The following WWC2 variants were observed in gnomAD, a reference collection of about 807,000 sequenced individuals.
The protein encoded by WWC2 is protein WWC2.
Under a neutral mutation model 138.5 loss-of-function variants are expected in WWC2, and 101 were observed. The ratio of observed to expected loss-of-function variants is 0.73; its 90% CI spans 0.62 to 0.86. The LOEUF (loss-of-function observed/expected upper bound fraction) is 0.86. WWC2 is among the 40% of genes least tolerant of loss of function. The pLI, the probability that WWC2 is intolerant of heterozygous loss-of-function variation, is 0.00. For synonymous variants in WWC2, 558 were observed against 538.4 expected (o/e 1.04, Z -0.50); for missense variants, 1,420 against 1,419.4 (o/e 1.00, Z -0.01).
chr4:183,208,750 T>C (rs1402729111), intron 3 of WWC2, among the ~76,000 whole-genome samples, 199 bp from the exon 4 acceptor site: 1 of 152,190 alleles, frequency 6.6e-6, no homozygotes, highest in Admixed American at 6.5e-5. Flanking sequence ...ATGACATTTC[T>C]CTTTACAGAG....
chr4:183,320,124 T>G lies in WWC2; in HGVS notation c.*4395T>G. On this transcript the variant is annotated 3_prime_UTR_variant, in exon 23 of 23. Transcript: ENST00000403733. ...TAAGTCCAGGTTGAGGTTCTTCCAG[T>G]GTGGCAGGTAGTTTGTAAGACAGGA... 1 of 1,614,150 alleles carries G rather than the reference T, an allele frequency of 6.2e-7. No homozygotes were observed. The highest frequency in any genetic ancestry group is 1.3e-5 in the African/African-American group (1 of 75,042).
At chr4:183,190,698 A>G (rs1734966138) in intron 1 of WWC2, among the ~76,000 whole-genome samples, 1 of 152,174 alleles carries the variant, frequency 6.6e-6, no homozygotes, top group African/African-American at 2.4e-5. Flanking sequence ...TGAATTTTTC[A>G]GAGTTCACAA....
At chr4:183,100,907 A>T (rs1485539367) in intron 1 of WWC2, among the ~76,000 whole-genome samples, 1 of 152,232 alleles carries the variant, frequency 6.6e-6, no homozygotes, top group Non-Finnish European at 1.5e-5. Context: ...GGCCTGATGA[A>T]AATTGTGACA....
chr4:183,156,010 GT>G (rs1460137817), intron 1 of WWC2, among the ~76,000 whole-genome samples: 1 of 124,922 alleles, frequency 8.0e-6, no homozygotes, highest in Non-Finnish European at 1.6e-5. Context: ...CCGTTGTGTT[GT>G]TTTTTTCTTT....
In WWC2 at chr4:183,320,185, C is replaced by T. The variant is rs1739598052; in HGVS notation, c.*4456C>T. ...CCCAGCAAAGATAATGAAACTCCAG[C>T]TAGTTGAGCTACAGTTCTAAATACT... On this transcript the variant is annotated 3_prime_UTR_variant, in exon 23 of 23. Coordinates refer to ENST00000403733, the MANE Select transcript of WWC2 (RefSeq NM_024949.6). 6 of 1,614,108 alleles carry T rather than the reference C, an allele frequency of 3.7e-6. No individual in the cohort carries two copies. Among genetic ancestry groups the T allele is most frequent in the East Asian group, 4.5e-5 (2 of 44,894 alleles).
intron 2 of WWC2, among the ~76,000 whole-genome samples, chr4:183,203,004 A>G (rs1443384892): frequency 1.3e-5 from 2 of 152,220 alleles, no homozygotes; most frequent in African/African-American, 4.8e-5. Context: ...AACCCTGGAA[A>G]GGTTTAAGAA....
chr4:183,138,401 T>G (rs1205777728), intron 1 of WWC2, among the ~76,000 whole-genome samples: 6 of 152,192 alleles, frequency 3.9e-5, no homozygotes, highest in Non-Finnish European at 8.8e-5. Context: ...GGAAAACTCA[T>G]GCTTAGCTCA....
intron 1 of WWC2, among the ~76,000 whole-genome samples, chr4:183,150,664 T>C (rs1232342972): frequency 6.6e-6 from 1 of 152,158 alleles, no homozygotes; most frequent in Non-Finnish European, 1.5e-5. Flanking sequence ...TTTCTCCTAA[T>C]GCTATCCCTC....
intron 2 of WWC2, among the ~76,000 whole-genome samples, chr4:183,197,054 T>C (rs1226490867): frequency 6.6e-6 from 1 of 152,236 alleles, no homozygotes; most frequent in Non-Finnish European, 1.5e-5. Context: ...TGATAAACTC[T>C]TAAAATGTTA....
At chr4:183,183,366 TG>T (rs937375953) in intron 1 of WWC2, among the ~76,000 whole-genome samples, 28 of 4,950 alleles carry the variant, frequency 5.7e-3, no homozygotes, top group African/African-American at 6.3e-3. Context: ...AACATTTTAA[TG>T]GTTTTTTTTA....
chr4:183,120,139 G>C (rs1021777881), intron 1 of WWC2, among the ~76,000 whole-genome samples: 3 of 152,212 alleles, frequency 2.0e-5, no homozygotes, highest in Non-Finnish European at 4.4e-5. Context: ...ATTTAGGAAA[G>C]CTGGTATCCT....
chr4:183,232,159 TTGG>T (rs1736264460), intron 4 of WWC2, among the ~76,000 whole-genome samples: 2 of 152,228 alleles, frequency 1.3e-5, no homozygotes, highest in Non-Finnish European at 2.9e-5. Flanking sequence ...GCTAATTTAA[TTGG>T]TATGTAATGA....
At chr4:183,246,872 T>A (rs940197109) in intron 6 of WWC2, among the ~76,000 whole-genome samples, 6 of 149,466 alleles carry the variant, frequency 4.0e-5, no homozygotes, top group East Asian at 1.9e-4. Context: ...GTAGGTCCTT[T>A]AAAAAAAAAA....
intron 1 of WWC2, among the ~76,000 whole-genome samples, chr4:183,108,858 C>T (rs963346388): frequency 1.3e-5 from 2 of 152,158 alleles, no homozygotes; most frequent in Non-Finnish European, 2.9e-5. Flanking sequence ...ATCTGCCTGC[C>T]TCGGCCTCCC....
At chr4:183,236,609 T>C (rs1433850222) in intron 4 of WWC2, among the ~76,000 whole-genome samples, 1 of 152,222 alleles carries the variant, frequency 6.6e-6, no homozygotes, top group African/African-American at 2.4e-5. Flanking sequence ...TGTCTGACTA[T>C]TAAGCTAGGT....
chr4:183,186,947 T>G (rs62356700), intron 1 of WWC2, among the ~76,000 whole-genome samples: 29,592 of 152,098 alleles, frequency 0.19, 3,018 homozygotes, highest in South Asian at 0.26. Flanking sequence ...TGATCTTGGT[T>G]AGGCTACCTC....
At chr4:183,286,703 C>T (rs1560887667) in intron 20 of WWC2, among the ~76,000 whole-genome samples, 1 of 152,152 alleles carries the variant, frequency 6.6e-6, no homozygotes, top group Non-Finnish European at 1.5e-5. Flanking sequence ...ATCATTTTGG[C>T]TTAAAATGTG....
chr4:183,315,499 CAG>C (rs1579082528), intron 22 of WWC2, among the ~76,000 whole-genome samples, 162 bp from the exon 23 acceptor site: 1 of 152,154 alleles, frequency 6.6e-6, no homozygotes, highest in Non-Finnish European at 1.5e-5. Flanking sequence ...TTTAAGCAGG[CAG>C]AGGCTCTCCT....
chr4:183,253,609 C>A, intron 8 of WWC2, 148 bp from the exon 9 acceptor site: 1 of 897,816 alleles, frequency 1.1e-6, no homozygotes, highest in Non-Finnish European at 1.6e-6. Flanking sequence ...CCCACTCCGG[C>A]CTCTCACCAG....
Sources: allele counts gnomAD v4.1 joint callset (sites outside exome capture counted in the v4.1 genomes callset), GRCh38; gene constraint gnomAD v4.1.1; transcripts MANE v1.5; gene names NCBI Gene and HGNC (gene_info 2026-07-23, HGNC 2026-07-21).